KHDRBS3: variants seen among roughly 807,000 people sequenced by gnomAD.
KHDRBS3 encodes KH domain-containing, RNA-binding, signal transduction-associated protein 3.
A neutral mutation model predicts 45.6 loss-of-function variants in KHDRBS3; 23 were observed. The observed-to-expected ratio is 0.50, with a 90% confidence interval of 0.36 to 0.72. The LOEUF (loss-of-function observed/expected upper bound fraction) is 0.72, where lower values mean the gene tolerates loss of function less well. Among genes scored for constraint, KHDRBS3 ranks in the 30% least tolerant of loss-of-function variants. The pLI is 0.00. For synonymous variants in KHDRBS3, 162 were observed against 156.5 expected (o/e 1.04, Z -0.26); for missense variants, 352 against 424.8 (o/e 0.83, Z 1.51).
intron 1 of KHDRBS3, among the ~76,000 whole-genome samples, chr8:135,490,203 G>C (rs896268912): frequency 3.3e-5 from 5 of 152,104 alleles, no homozygotes; most frequent in Admixed American, 6.5e-5. Flanking sequence ...GCATTTCTCA[G>C]GACAGATCCC....
intron 2 of KHDRBS3, among the ~76,000 whole-genome samples, chr8:135,536,546 C>G (rs933441650): frequency 1.2e-4 from 19 of 152,028 alleles, no homozygotes; most frequent in Non-Finnish European, 2.2e-4. Flanking sequence ...TTAAAAAGAC[C>G]TTTCTGTTGA....
At chr8:135,464,027 C>A (rs183642310) in intron 1 of KHDRBS3, among the ~76,000 whole-genome samples, 1 of 152,024 alleles carries the variant, frequency 6.6e-6, no homozygotes, top group African/African-American at 2.4e-5. Flanking sequence ...CAAATGAGGC[C>A]TCTAAGGCTC....
At chr8:135,473,214 G>T (rs890156862) in intron 1 of KHDRBS3, among the ~76,000 whole-genome samples, 1 of 152,038 alleles carries the variant, frequency 6.6e-6, no homozygotes, top group Admixed American at 6.6e-5. Flanking sequence ...AGGCTCCTCC[G>T]TCCGGAAAGC....
rs1431949386 is a variant in KHDRBS3, at chr8:135,647,536, C to T, written c.*452C>T. The T allele has an allele frequency of 6.5e-6, 1 of 152,848 alleles. No homozygotes were observed. The highest frequency in any genetic ancestry group is 1.5e-5 in the Non-Finnish European group (1 of 68,302). The allele number at this position is 152,848 out of a possible 1,614,324, so 9.5% of individuals were successfully genotyped here. ...CAAATAATGTGGTATTCTTTTGTAA[C>T]TCAAGTCTTGAAATGTTCTGTAGTG... is the stretch of plus-strand genomic sequence containing the variant. On this transcript the variant is annotated 3_prime_UTR_variant, in exon 9 of 9. Transcript: ENST00000355849.
intron 5 of KHDRBS3, among the ~76,000 whole-genome samples, chr8:135,580,605 C>CTTTTTTTTTTTT (rs11405340): frequency 7.8e-6 from 1 of 128,874 alleles, no homozygotes. Flanking sequence ...CTCTCTCTCT[C>CTTTTTTTTTTTT]TTTTTTTTTT....
chr8:135,594,737 T>G (rs1263587016), intron 6 of KHDRBS3, among the ~76,000 whole-genome samples: 2 of 152,184 alleles, frequency 1.3e-5, no homozygotes, highest in African/African-American at 4.8e-5. Context: ...AAAAGGTATT[T>G]TGAATTGTGG....
chr8:135,469,057 C>A (rs542017623), intron 1 of KHDRBS3, among the ~76,000 whole-genome samples: 10 of 152,348 alleles, frequency 6.6e-5, no homozygotes, highest in African/African-American at 2.2e-4. Context: ...CTGCTTTGGT[C>A]TGGTGTTGCT....
chr8:135,556,967 G>GAAGCTA (rs1422917099), intron 4 of KHDRBS3, among the ~76,000 whole-genome samples: 2 of 152,180 alleles, frequency 1.3e-5, no homozygotes, highest in East Asian at 3.9e-4. Flanking sequence ...CTGTGTCCCT[G>GAAGCTA]TGGTTCTTAA....
intron 1 of KHDRBS3, among the ~76,000 whole-genome samples, chr8:135,494,620 G>A (rs1294602273): frequency 1.3e-5 from 2 of 151,124 alleles, no homozygotes; most frequent in Non-Finnish European, 2.9e-5. Flanking sequence ...AGTTTCTTCA[G>A]TTGTCAGCTT....
At chr8:135,617,405 G>A (rs933717895) in intron 7 of KHDRBS3, among the ~76,000 whole-genome samples, 2 of 151,932 alleles carry the variant, frequency 1.3e-5, no homozygotes, top group Admixed American at 6.6e-5. Context: ...AGCCTCCCAG[G>A]TAGCTGGGAC....
intron 1 of KHDRBS3, among the ~76,000 whole-genome samples, chr8:135,517,284 C>T (rs1349423358): frequency 1.3e-5 from 2 of 152,118 alleles, no homozygotes; most frequent in African/African-American, 4.8e-5. Context: ...TAGTGAAAGT[C>T]AAATCCCCTA....
chr8:135,459,784 A>T (rs1329875946), intron 1 of KHDRBS3, among the ~76,000 whole-genome samples: 3 of 152,214 alleles, frequency 2.0e-5, no homozygotes, highest in Non-Finnish European at 4.4e-5. Flanking sequence ...ATTCTTTTGG[A>T]TTCTGTGTTT....
chr8:135,469,432 C>T (rs969260230), intron 1 of KHDRBS3, among the ~76,000 whole-genome samples: 5 of 151,682 alleles, frequency 3.3e-5, no homozygotes, highest in Admixed American at 6.6e-5. Context: ...GGACTACAGG[C>T]GCCCGCCACC....
chr8:135,556,820 T>C (rs1826909720), intron 4 of KHDRBS3, among the ~76,000 whole-genome samples: 1 of 152,210 alleles, frequency 6.6e-6, no homozygotes, highest in Non-Finnish European at 1.5e-5. Context: ...GGACCACTCC[T>C]AGAGTTTCGT....
chr8:135,593,997 A>T (rs879398760), intron 6 of KHDRBS3, among the ~76,000 whole-genome samples: 6 of 152,182 alleles, frequency 3.9e-5, no homozygotes, highest in Non-Finnish European at 7.3e-5. Flanking sequence ...ACTCGATGTG[A>T]TATTTAAAGG....
chr8:135,582,125 G>C, intron 6 of KHDRBS3, 52 bp downstream of exon 6: 1 of 1,443,074 alleles, frequency 6.9e-7, no homozygotes, highest in Non-Finnish European at 9.2e-7. Flanking sequence ...ACTTAATCCA[G>C]ACTTAGCACT....
chr8:135,524,869 G>A (rs1825102022), intron 2 of KHDRBS3, among the ~76,000 whole-genome samples: 1 of 152,078 alleles, frequency 6.6e-6, no homozygotes, highest in Non-Finnish European at 1.5e-5. Context: ...ATGTATGTAT[G>A]TAAAAATATT....
chr8:135,551,425 T>G (rs1231695576), intron 4 of KHDRBS3, among the ~76,000 whole-genome samples: 1 of 152,176 alleles, frequency 6.6e-6, no homozygotes, highest in Non-Finnish European at 1.5e-5. Context: ...CTCTTATATT[T>G]CTAAAGGATG....
chr8:135,598,458 C>T (rs549939214), intron 6 of KHDRBS3, among the ~76,000 whole-genome samples: 1 of 152,108 alleles, frequency 6.6e-6, no homozygotes, highest in South Asian at 2.1e-4. Flanking sequence ...AGTGGCAGAG[C>T]TGGAATTTGA....
Sources: allele counts gnomAD v4.1 joint callset (sites outside exome capture counted in the v4.1 genomes callset), GRCh38; gene constraint gnomAD v4.1.1; transcripts MANE v1.5; gene names NCBI Gene and HGNC (gene_info 2026-07-23, HGNC 2026-07-21).